Variants in ARHGAP42 observed in about 807,000 individuals in gnomAD.
ARHGAP42 encodes rho GTPase-activating protein 42.
In ARHGAP42, 63 loss-of-function variants were observed where a neutral mutation model predicts 125.0. The ratio of observed to expected loss-of-function variants is 0.50; its 90% confidence interval spans 0.41 to 0.62. The LOEUF (loss-of-function observed/expected upper bound fraction) is 0.62, where lower values mean the gene tolerates loss of function less well. ARHGAP42 is among the 20% of genes least tolerant of loss of function. The pLI, the probability that ARHGAP42 is intolerant of heterozygous loss-of-function variation, is 0.00. For synonymous variants in ARHGAP42, 339 were observed against 351.0 expected (o/e 0.97, Z 0.38); for missense variants, 766 against 1,024.2 (o/e 0.75, Z 3.44).
intron 3 of ARHGAP42, among the ~76,000 whole-genome samples, chr11:100,848,930 A>G (rs186673535): frequency 3.3e-5 from 5 of 152,308 alleles, no homozygotes; most frequent in Admixed American, 6.5e-5. Flanking sequence ...ACGCATCGTG[A>G]TAAGTGCAGG....
chr11:100,906,517 C>G (rs934200045), intron 4 of ARHGAP42, among the ~76,000 whole-genome samples: 2 of 151,754 alleles, frequency 1.3e-5, no homozygotes, highest in South Asian at 2.1e-4. Flanking sequence ...TGATGACATG[C>G]CTTTTGTTTA....
At chr11:100,865,974 G>A (rs764611860) in intron 4 of ARHGAP42, among the ~76,000 whole-genome samples, 1 of 152,270 alleles carries the variant, frequency 6.6e-6, no homozygotes, top group Non-Finnish European at 1.5e-5. Flanking sequence ...ATTTTCTGGA[G>A]TGTGCGATAT....
chr11:100,920,367 CT>C (rs1402968456), intron 5 of ARHGAP42, among the ~76,000 whole-genome samples: 2 of 152,128 alleles, frequency 1.3e-5, no homozygotes, highest in South Asian at 2.1e-4. Context: ...ATTTTTTACT[CT>C]TCCAAAACTT....
intron 1 of ARHGAP42, among the ~76,000 whole-genome samples, chr11:100,729,280 A>G (rs1226035436): frequency 6.6e-6 from 1 of 152,002 alleles, no homozygotes; most frequent in Non-Finnish European, 1.5e-5. Context: ...TAAACCCTGA[A>G]TCCTGATTTT....
At chr11:100,901,413 C>T (rs7116381) in intron 4 of ARHGAP42, among the ~76,000 whole-genome samples, 177 of 152,292 alleles carry the variant, frequency 1.2e-3, no homozygotes, top group Middle Eastern at 3.4e-3. Flanking sequence ...AGAGCTCAAA[C>T]GCTGTGCTGG....
chr11:100,992,384 T>G lies in ARHGAP42; in HGVS notation c.*3583T>G. Reference sequence around the variant, plus strand: ...TCACGAAAAAGAACACAGGCTTGACTATTGTCCAGAAGTTACTTTCCCCTT... The same window carrying G: ...TCACGAAAAAGAACACAGGCTTGACGATTGTCCAGAAGTTACTTTCCCCTT... On this transcript the variant is annotated 3_prime_UTR_variant, in exon 24 of 24. Transcript: ENST00000298815. 6.2e-7 allele frequency: 1 copy of G among 1,614,078 alleles called. No homozygotes were observed. The highest frequency in any genetic ancestry group is 8.5e-7 in the Non-Finnish European group (1 of 1,179,954).
At chr11:100,701,116 C>T (rs1427219891) in intron 1 of ARHGAP42, among the ~76,000 whole-genome samples, 1 of 150,812 alleles carries the variant, frequency 6.6e-6, no homozygotes, top group African/African-American at 2.4e-5. Flanking sequence ...GGTACATTGT[C>T]AATGAGCAGT....
At chr11:100,963,883 AAC>A (rs1212208654) in intron 16 of ARHGAP42, among the ~76,000 whole-genome samples, 2 of 152,174 alleles carry the variant, frequency 1.3e-5, no homozygotes, top group Non-Finnish European at 2.9e-5. Flanking sequence ...TTTGCTTTAT[AAC>A]AAAAGAAATT....
intron 6 of ARHGAP42, 53 bp from the exon 7 acceptor site, chr11:100,933,102 TA>T: frequency 8.0e-7 from 1 of 1,242,950 alleles, no homozygotes; most frequent in South Asian, 1.4e-5. Context: ...TTTATATCAT[TA>T]AATGATCATT....
intron 3 of ARHGAP42, among the ~76,000 whole-genome samples, chr11:100,823,411 T>C (rs905640298): frequency 2.6e-5 from 4 of 152,124 alleles, no homozygotes; most frequent in South Asian, 2.1e-4. Flanking sequence ...TTTCAGAGCT[T>C]TTTCAGCAAC....
intron 8 of ARHGAP42, 45 bp from the exon 9 acceptor site, chr11:100,941,738 AT>A: frequency 8.2e-7 from 1 of 1,219,382 alleles, no homozygotes; most frequent in South Asian, 1.5e-5. Flanking sequence ...TTTGATACAA[AT>A]CATTTATTAA....
At chr11:100,969,159 T>C (rs1858174421) in intron 17 of ARHGAP42, among the ~76,000 whole-genome samples, 1 of 152,188 alleles carries the variant, frequency 6.6e-6, no homozygotes, top group Non-Finnish European at 1.5e-5. Context: ...ACTTTTTTTT[T>C]CTTTAAGCAT....
At chr11:100,987,487 T>C (rs1416866566) in intron 22 of ARHGAP42, 26 bp from the exon 23 acceptor site, 1 of 1,544,302 alleles carries the variant, frequency 6.5e-7, no homozygotes, top group Non-Finnish European at 8.8e-7. Flanking sequence ...GTGTTGAGGT[T>C]TTGACAAGTT....
At chr11:100,961,844 T>G (rs917636372) in intron 15 of ARHGAP42, 76 bp downstream of exon 15, 28 of 1,236,680 alleles carry the variant, frequency 2.3e-5, no homozygotes, top group Non-Finnish European at 3.0e-5. Flanking sequence ...CGTGATTTCT[T>G]GGAGCCTGTG....
At chr11:100,877,980 G>C (rs2135171019) in intron 4 of ARHGAP42, among the ~76,000 whole-genome samples, 1 of 145,790 alleles carries the variant, frequency 6.9e-6, no homozygotes, top group Admixed American at 6.9e-5. Flanking sequence ...ACTCCAGCCT[G>C]GGTGACGCAG....
intron 3 of ARHGAP42, among the ~76,000 whole-genome samples, chr11:100,830,511 A>G (rs1864640441): frequency 6.6e-6 from 1 of 152,116 alleles, no homozygotes; most frequent in Non-Finnish European, 1.5e-5. Context: ...CTTGTTAGAT[A>G]TGCATGATGT....
chr11:100,827,121 G>A (rs1228273), intron 3 of ARHGAP42, among the ~76,000 whole-genome samples: 44 of 148,832 alleles, frequency 3.0e-4, no homozygotes, highest in African/African-American at 8.9e-4. Flanking sequence ...CTTCTGCCTC[G>A]GCCTCCCGAG....
At chr11:100,953,383 A>G (rs1251673081) in intron 12 of ARHGAP42, among the ~76,000 whole-genome samples, 1 of 152,198 alleles carries the variant, frequency 6.6e-6, no homozygotes, top group Non-Finnish European at 1.5e-5. Flanking sequence ...AAGACAATGA[A>G]GTTTAGGATG....
At chr11:100,732,015 C>T (rs1231363556) in intron 1 of ARHGAP42, among the ~76,000 whole-genome samples, 9 of 151,224 alleles carry the variant, frequency 6.0e-5, no homozygotes, top group Admixed American at 5.9e-4. Flanking sequence ...AGTGCAATGA[C>T]GTGATCTCAG....
Sources: gnomAD v4.1 joint callset for allele counts (sites outside exome capture counted in the v4.1 genomes callset) on GRCh38, gnomAD v4.1.1 for gene constraint, MANE v1.5 for transcripts, NCBI Gene and HGNC (gene_info 2026-07-23, HGNC 2026-07-21) for gene names.